Variants in GLYATL1 observed in about 807,000 individuals in gnomAD.
GLYATL1 encodes the protein glycine N-acyltransferase-like protein 1.
Under a neutral mutation model 20.0 loss-of-function variants are expected in GLYATL1, and 15 were observed. That is an observed-to-expected ratio of 0.75 (90% CI 0.50 to 1.15). The LOEUF (loss-of-function observed/expected upper bound fraction) is 1.15, where lower values mean the gene tolerates loss of function less well. Ranked by LOEUF, GLYATL1 falls within the 50% of genes most tolerant of loss-of-function variation. The pLI is 0.00. For missense variants in GLYATL1, 380 were observed against 368.5 expected (o/e 1.03, Z -0.26); for synonymous variants, 151 against 131.5 (o/e 1.15, Z -1.01).
upstream of GLYATL1, among the ~76,000 whole-genome samples, chr11:58,937,560 C>A (rs1185329186): frequency 6.6e-6 from 1 of 152,174 alleles, no homozygotes; most frequent in African/African-American, 2.4e-5. Context: ...CTCAAAGTAA[C>A]TTTGAATTTA....
chr11:58,909,739 A>G (rs1854993962), downstream of GLYATL1, among the ~76,000 whole-genome samples: 1 of 152,198 alleles, frequency 6.6e-6, no homozygotes, highest in African/African-American at 2.4e-5. Flanking sequence ...GTGTGGTGCC[A>G]AGATCTCAGA....
intron 1 of GLYATL1, among the ~76,000 whole-genome samples, chr11:58,920,333 C>T (rs540955796): frequency 6.6e-6 from 1 of 152,190 alleles, no homozygotes; most frequent in African/African-American, 2.4e-5. Context: ...GTGGCAAAAG[C>T]ATATTTGGAG....
At position 58,954,795 on chromosome 11, in the gene GLYATL1, A is replaced by G. The variant is rs775453611; in HGVS notation, c.212A>G (p.Tyr71Cys). 3 of 1,607,694 alleles carry G rather than the reference A, an allele frequency of 1.9e-6. No homozygotes were observed. In the South Asian group the frequency reaches 3.4e-5, roughly 18 times the overall value. ...KQEMTDDMDSYTNVYRMFSKE... is the reference protein window; with the variant it reads ...KQEMTDDMDSCTNVYRMFSKE... ...GAGATGACTGATGACATGGATTCAT[A>G]CACAAACGTATATCGTATGTTCTCC... The change falls in exon 5 of 7, where the codon TAC becomes TGC. Residue 71 changes from tyrosine (Y) to cysteine (C), a missense_variant. Tyr to Cys is a radical substitution (Grantham distance 194, BLOSUM62 -2). Transcript: ENST00000532726.
intron 1 of GLYATL1, among the ~76,000 whole-genome samples, chr11:58,933,121 A>G (rs1051407211): frequency 6.6e-6 from 1 of 152,196 alleles, no homozygotes; most frequent in Non-Finnish European, 1.5e-5. Context: ...GAAACACAGG[A>G]AGAGGGGCAC....
intron 1 of GLYATL1, among the ~76,000 whole-genome samples, chr11:58,921,135 T>C (rs968443979): frequency 3.3e-5 from 5 of 152,198 alleles, no homozygotes; most frequent in Non-Finnish European, 7.3e-5. Flanking sequence ...CTTCATATAA[T>C]GGCTTAGGCA....
At chr11:58,905,708 GCT>G in intron 1 of GLYATL1, 6 of 436,158 alleles carry the variant, frequency 1.4e-5, no homozygotes, top group South Asian at 1.6e-5. Context: ...GGAGGGGATC[GCT>G]GGGACCGGGA....
chr11:58,953,066 G>C (rs920311878), intron 4 of GLYATL1, among the ~76,000 whole-genome samples: 1 of 152,062 alleles, frequency 6.6e-6, no homozygotes. Flanking sequence ...AAAAAAACTT[G>C]ATACATATAT....
chr11:58,944,153 G>C (rs1856395452), intron 2 of GLYATL1, among the ~76,000 whole-genome samples: 1 of 152,196 alleles, frequency 6.6e-6, no homozygotes, highest in Non-Finnish European at 1.5e-5. Flanking sequence ...AAGATACTTA[G>C]AGTGGAACAT....
upstream of GLYATL1, among the ~76,000 whole-genome samples, chr11:58,923,343 CT>C: frequency 6.6e-6 from 1 of 152,182 alleles, no homozygotes; most frequent in Non-Finnish European, 1.5e-5. Flanking sequence ...GAGCTGCCTG[CT>C]TTTCTGAATG....
At chr11:58,906,125 TGGTTCTG>T (rs1373624330) in intron 1 of GLYATL1, among the ~76,000 whole-genome samples, 1 of 152,152 alleles carries the variant, frequency 6.6e-6, no homozygotes, top group Admixed American at 6.5e-5. Context: ...GTGGTTTTTC[TGGTTCTG>T]GGTCGGACCC....
chr11:58,922,993 T>G (rs1590771842), upstream of GLYATL1, among the ~76,000 whole-genome samples: 1 of 152,236 alleles, frequency 6.6e-6, no homozygotes, highest in Non-Finnish European at 1.5e-5. Context: ...AGGGGTTACC[T>G]TGACTCCATA....
upstream of GLYATL1, among the ~76,000 whole-genome samples, chr11:58,939,293 T>A (rs1855978514): frequency 6.6e-6 from 1 of 152,146 alleles, no homozygotes; most frequent in Admixed American, 6.5e-5. Context: ...CTATGAAAAC[T>A]CATAATTTTA....
chr11:58,918,048 T>C (rs1289893175), intron 1 of GLYATL1, among the ~76,000 whole-genome samples: 2 of 152,218 alleles, frequency 1.3e-5, no homozygotes, highest in Admixed American at 1.3e-4. Context: ...TCACTACAAT[T>C]TTTTTCTTCA....
Position 58,947,851 on chromosome 11 carries a change from C to T in GLYATL1, c.79-7C>T, listed in dbSNP as rs764207246. On this transcript the variant is annotated splice_polypyrimidine_tract_variant and splice_region_variant and intron_variant, in intron 3 of 6. Transcript: ENST00000532726. ...ACCTCTCCTGGTCCCTTTCATCCCT[C>T]CTTCAGGTGTATGGCTCTGTGTATC... is the stretch of plus-strand genomic sequence containing the variant. The T allele has an allele frequency of 1.2e-5, 19 of 1,595,758 alleles. No homozygotes were observed. The highest frequency in any genetic ancestry group is 1.6e-5 in the Non-Finnish European group (19 of 1,163,224).
rs1019269141 is a variant in GLYATL1, at chr11:58,954,856, T to C, written c.273T>C (p.Asn91=). The stretch of plus-strand genomic sequence containing the variant: ...AAAAATCAGAAGAAGTTTTGAAAAA[T>C]TGTGAGATCGTAAACTGGAAACAGA... ...EPQKSEEVLK[N]CEIVNWKQRL... Residue 91 remains asparagine, a synonymous_variant, in exon 5 of 7, where the codon AAT becomes AAC. Coordinates refer to ENST00000532726, the MANE Select transcript of GLYATL1 (RefSeq NM_001389712.2). 1.1e-5 allele frequency: 17 copies of C among 1,613,224 alleles called. No individual in the cohort carries two copies. The highest frequency in any genetic ancestry group is 4.4e-5 in the South Asian group (4 of 90,878).
At chr11:58,940,777 G>A (rs781216568) in intron 1 of GLYATL1, among the ~76,000 whole-genome samples, 9 of 152,114 alleles carry the variant, frequency 5.9e-5, no homozygotes, top group Non-Finnish European at 1.0e-4. Context: ...CTGGGAAACA[G>A]AGACCCCCTC....
chr11:58,923,952 A>G (rs945023679), upstream of GLYATL1, among the ~76,000 whole-genome samples: 3 of 152,130 alleles, frequency 2.0e-5, no homozygotes, highest in African/African-American at 7.2e-5. Context: ...TTCACTGGCC[A>G]AAACATCCAG....
chr11:58,955,272 A>G lies in GLYATL1; in HGVS notation c.410A>G (p.Asp137Gly). Residue 137 changes from aspartate to glycine, a missense_variant, in exon 6 of 7, where the codon GAT becomes GGT. By Grantham distance (94) the Asp-to-Gly change is moderately conservative. Transcript: ENST00000532726. ...HSRALLLVTE[D>G]ILKLNASSKS... ...AGAGCACTCCTCTTGGTTACGGAAG[A>G]TATTCTGAAGCTCAATGCCTCCAGT... The G allele has an allele frequency of 1.2e-6, 2 of 1,614,204 alleles. No homozygotes were observed. The highest frequency in any genetic ancestry group is 1.7e-6 in the Non-Finnish European group (2 of 1,180,000).
At chr11:58,921,510 TCA>T (rs1266716363) in intron 1 of GLYATL1, among the ~76,000 whole-genome samples, 2 of 152,202 alleles carry the variant, frequency 1.3e-5, no homozygotes, top group East Asian at 1.9e-4. Context: ...AGTGGTTTTT[TCA>T]TACCGTGGCC....
Sources: allele counts gnomAD v4.1 joint callset (sites outside exome capture counted in the v4.1 genomes callset), GRCh38; gene constraint gnomAD v4.1.1; transcripts MANE v1.5; gene names NCBI Gene and HGNC (gene_info 2026-07-23, HGNC 2026-07-21).